The following SH3GL1 variants were observed in gnomAD, a reference collection of about 807,000 sequenced individuals.
SH3GL1 encodes the protein SH3 domain containing GRB2 like 1, endophilin A2, also known as endophilin-A2.
In SH3GL1, 21 loss-of-function variants were observed where a neutral mutation model predicts 48.8. The observed-to-expected ratio is 0.43, with a 90% confidence interval of 0.30 to 0.62. The LOEUF (loss-of-function observed/expected upper bound fraction) is 0.62, where lower values mean the gene tolerates loss of function less well. Among genes scored for constraint, SH3GL1 ranks in the 20% least tolerant of loss-of-function variants. SH3GL1 has a pLI of 0.11. For missense variants in SH3GL1, 454 were observed against 503.0 expected, an observed-to-expected ratio of 0.90 and a Z score of 0.93; for synonymous variants, 282 against 217.5, an observed-to-expected ratio of 1.30 and a Z score of -2.61.
chr19:4,371,070 G>A (rs150091087), intron 1 of SH3GL1, among the ~76,000 whole-genome samples: 3 of 152,380 alleles, frequency 2.0e-5, no homozygotes, highest in Non-Finnish European at 4.4e-5. Flanking sequence ...AAACGAGCAA[G>A]CTGGACACGA....
intron 9 of SH3GL1, 112 bp downstream of exon 9, chr19:4,362,217 G>T: frequency 1.8e-6 from 2 of 1,117,590 alleles, no homozygotes; most frequent in Non-Finnish European, 2.6e-6. Context: ...TGCTGCACGA[G>T]CCTGGCCCCT....
chr19:4,364,241 G>A lies in SH3GL1; in HGVS notation c.332-20C>T, dbSNP rs1015240600. On this transcript the variant is annotated intron_variant, in intron 4 of 9. Transcript: ENST00000269886. ...CGTCACCTGTGGAGAAGTGGTGGGG[G>A]AAGCCATCATACCGGGCCTGGGACC... 1.5e-5 allele frequency: 24 copies of A among 1,613,612 alleles called. No individual in the cohort carries two copies. In the African/African-American group the frequency reaches 3.1e-4, roughly 21 times the overall value.
chr19:4,389,563 A>G lies in SH3GL1; in HGVS notation c.45+10761T>C, dbSNP rs1311252375. Among the ~76,000 whole-genome samples the G allele has an allele frequency of 6.6e-6, 1 of 152,118 alleles. No homozygotes were observed. Among genetic ancestry groups the G allele is most frequent in the East Asian group, 1.9e-4 (1 of 5,186 alleles). ...CTGGGACCAAGGCAGGGGCTCCAGA[A>G]GCTCCCGAAATTCGGCTGAGAGCTT... On this transcript the variant is annotated intron_variant, in intron 1 of 9. Transcript: ENST00000269886. This position sits in a 1 kb window ranked among gnomAD's most constrained non-coding sequence, Gnocchi z 4.5.
chr19:4,381,393 C>G (rs1216926920), intron 1 of SH3GL1, among the ~76,000 whole-genome samples: 1 of 129,926 alleles, frequency 7.7e-6, no homozygotes, highest in African/African-American at 3.0e-5. Context: ...CTCTGCCTCT[C>G]TCTGTCCCCC....
intron 1 of SH3GL1, among the ~76,000 whole-genome samples, chr19:4,384,816 T>A (rs1157771857): frequency 6.6e-6 from 1 of 151,984 alleles, no homozygotes; most frequent in Admixed American, 6.6e-5. Flanking sequence ...AGCCTAAAAG[T>A]AGGGTGAGCA....
chr19:4,361,857 G>T, intron 9 of SH3GL1, 61 bp from the exon 10 acceptor site: 1 of 1,235,054 alleles, frequency 8.1e-7, no homozygotes, highest in Non-Finnish European at 1.2e-6. Flanking sequence ...CCAGTCTGGG[G>T]TCTCAGACCT....
At chr19:4,385,085 CGA>C (rs929144434) in intron 1 of SH3GL1, among the ~76,000 whole-genome samples, 6 of 139,318 alleles carry the variant, frequency 4.3e-5, no homozygotes, top group African/African-American at 1.6e-4. Context: ...GCCTGGGTGA[CGA>C]GAGACTCCAT....
In SH3GL1 at chr19:4,400,091, C is replaced by A. The variant is rs2144937795; in HGVS notation, c.45+233G>T. Among the ~76,000 whole-genome samples, 1 of 152,224 alleles carries A rather than the reference C, an allele frequency of 6.6e-6. No homozygotes were observed. The highest frequency in any genetic ancestry group is 3.4e-3 in the Middle Eastern group (1 of 294). On this transcript the variant is annotated intron_variant, in intron 1 of 9. Transcript: ENST00000269886. This position sits in a 1 kb window ranked among gnomAD's most constrained non-coding sequence, Gnocchi z 4.1. ...CCGCGTCCCTGGGCAGCCCAGGGTG[C>A]CTCTCCCCTCCTCCCAGGGGCTCTG...
chr19:4,387,798 C>T (rs895846045), intron 1 of SH3GL1, among the ~76,000 whole-genome samples: 1 of 152,226 alleles, frequency 6.6e-6, no homozygotes, highest in Non-Finnish European at 1.5e-5. Flanking sequence ...ATTCGCCTGC[C>T]TCAGCCTCCC....
In SH3GL1 at chr19:4,389,972, C is replaced by CTGA. The variant is rs1357987325; in HGVS notation, c.45+10349_45+10351dup. ...TCGCAGGCCTGATGCCATCTGGATT[C>CTGA]TGAGTATCTGCCATGACCACCGCCC... On this transcript the variant is annotated intron_variant, in intron 1 of 9. Coordinates refer to ENST00000269886, the MANE Select transcript of SH3GL1 (RefSeq NM_003025.4). The surrounding 1 kb of genome is among the most constrained non-coding windows in gnomAD (Gnocchi z 4.5). 4 of 152,468 alleles carry CTGA rather than the reference C, an allele frequency of 2.6e-5. No individual in the cohort carries two copies. In the East Asian group the frequency reaches 7.7e-4, roughly 29 times the overall value. 9.4% of individuals were successfully genotyped at this position (152,468 alleles called of 1,614,324 possible).
intron 1 of SH3GL1, among the ~76,000 whole-genome samples, chr19:4,381,148 C>G (rs1973115505): frequency 1.7e-5 from 2 of 119,548 alleles, no homozygotes; most frequent in African/African-American, 6.4e-5. Flanking sequence ...CCTCTCTGTT[C>G]CCCTGCCTCT....
chr19:4,371,060 A>G (rs1478899967), intron 1 of SH3GL1, among the ~76,000 whole-genome samples: 5 of 152,226 alleles, frequency 3.3e-5, no homozygotes, highest in Non-Finnish European at 7.3e-5. Flanking sequence ...GGCACCTGGG[A>G]AACGAGCAAG....
intron 1 of SH3GL1, among the ~76,000 whole-genome samples, chr19:4,374,358 CT>C (rs1354059343): frequency 6.6e-6 from 1 of 152,212 alleles, no homozygotes; most frequent in African/African-American, 2.4e-5. Flanking sequence ...ACATTCAGGC[CT>C]GGTCTATGAT....
rs765705385 is a variant in SH3GL1, at chr19:4,362,685, C to T, written c.780G>A (p.Arg260=). Residue 260 remains arginine (R), a synonymous_variant, in exon 8 of 10, where the codon CGG becomes CGA. Coordinates refer to ENST00000269886, the MANE Select transcript of SH3GL1 (RefSeq NM_003025.4). ...RPKREYKPKP[R]EPFDLGEPEQ... is the part of the protein sequence containing the mutation. ...CAGGCTCTCCAAGGTCAAAGGGCTCCCGGGGCTTGGGCTTATACTCCCGCT... is the reference window on the plus strand; with the variant it reads ...CAGGCTCTCCAAGGTCAAAGGGCTCTCGGGGCTTGGGCTTATACTCCCGCT... 2.5e-6 allele frequency: 4 copies of T among 1,614,040 alleles called. No homozygotes were observed. Among genetic ancestry groups the T allele is most frequent in the Middle Eastern group, 3.3e-4 (2 of 6,046 alleles).
In SH3GL1 at chr19:4,367,182, G is replaced by A. The variant is rs770003821; in HGVS notation, c.46-188C>T. Among the ~76,000 whole-genome samples the A allele has an allele frequency of 6.6e-6, 1 of 152,104 alleles. No homozygotes were observed. Among genetic ancestry groups the A allele is most frequent in the Non-Finnish European group, 1.5e-5 (1 of 68,002 alleles). On this transcript the variant is annotated intron_variant, in intron 1 of 9. Coordinates refer to ENST00000269886, the MANE Select transcript of SH3GL1 (RefSeq NM_003025.4). This position sits in a 1 kb window ranked among gnomAD's most constrained non-coding sequence, Gnocchi z 4.2. The stretch of plus-strand genomic sequence containing the variant: ...CACACGCTGCCTGCAGAGCAGGGTG[G>A]GCCTGCAGGGGGAGGGGGAGGGTGG...
chr19:4,382,720 G>A (rs960554255), intron 1 of SH3GL1, among the ~76,000 whole-genome samples: 7 of 152,168 alleles, frequency 4.6e-5, no homozygotes, highest in Admixed American at 1.3e-4. Flanking sequence ...AGGGGCAGCC[G>A]TGGCGGGTGC....
intron 9 of SH3GL1, 48 bp from the exon 10 acceptor site, chr19:4,361,844 C>G (rs368446362): frequency 2.2e-6 from 3 of 1,378,534 alleles, no homozygotes; most frequent in Middle Eastern, 1.8e-4. Flanking sequence ...CGCCTCACCC[C>G]GCCCAGTCTG....
Position 4,385,576 on chromosome 19 carries a change from G to T in SH3GL1, c.45+14748C>A, listed in dbSNP as rs987933307. Among the ~76,000 whole-genome samples, 8 of 152,228 alleles carry T rather than the reference G, an allele frequency of 5.3e-5. No individual in the cohort carries two copies. In the East Asian group the frequency reaches 1.6e-3, roughly 30 times the overall value. ...GCACTCTTTCCTTCCGGGCCCCAAA[G>T]ACCCTCCCTGGCTGTGCAGCTGCCC... On this transcript the variant is annotated intron_variant, in intron 1 of 9. Transcript: ENST00000269886.
chr19:4,393,664 C>T (rs1334224638), intron 1 of SH3GL1, among the ~76,000 whole-genome samples: 1 of 151,882 alleles, frequency 6.6e-6, no homozygotes, highest in Non-Finnish European at 1.5e-5. Flanking sequence ...GTGGTATGTG[C>T]CTGTAATCCC....
Sources: gnomAD v4.1 joint callset for allele counts (sites outside exome capture counted in the v4.1 genomes callset) on GRCh38, gnomAD v4.1.1 for gene constraint, Gnocchi (gnomAD v3.1) non-coding constraint, MANE v1.5 for transcripts, NCBI Gene and HGNC (gene_info 2026-07-23, HGNC 2026-07-21) for gene names.